Variants in OC90 observed in about 807,000 individuals in gnomAD.
OC90 encodes otoconin-90.
OC90 carries 46 observed loss-of-function variants against 47.3 expected under a neutral mutation model. The ratio of observed to expected loss-of-function variants is 0.97; its 90% CI spans 0.77 to 1.24. The LOEUF is 1.24. Ranked by LOEUF, OC90 falls within the 50% of genes most tolerant of loss-of-function variation. The pLI is 0.00. For synonymous variants in OC90, 271 were observed against 219.5 expected (o/e 1.23, Z -2.07); for missense variants, 688 against 583.9 (o/e 1.18, Z -1.84).
At chr8:132,058,570 T>G (rs77225842) in intron 1 of OC90, among the ~76,000 whole-genome samples, 2,889 of 152,322 alleles carry the variant, frequency 0.019, 90 homozygotes, top group African/African-American at 0.062. Flanking sequence ...CTCTGCCTTT[T>G]GCTTGTCGAG....
chr8:132,035,041 G>A (rs1271564211), intron 9 of OC90, among the ~76,000 whole-genome samples: 1 of 152,220 alleles, frequency 6.6e-6, no homozygotes, highest in Non-Finnish European at 1.5e-5. Context: ...AAAAACGCTT[G>A]CTGGCAAATG....
intron 9 of OC90, among the ~76,000 whole-genome samples, chr8:132,035,801 T>C (rs1297236797): frequency 6.6e-6 from 1 of 152,194 alleles, no homozygotes; most frequent in Non-Finnish European, 1.5e-5. Context: ...TTCTCAGAGC[T>C]TCTTGTTTGT....
chr8:132,057,836 A>C (rs1823295888), intron 1 of OC90, among the ~76,000 whole-genome samples: 1 of 152,188 alleles, frequency 6.6e-6, no homozygotes, highest in Non-Finnish European at 1.5e-5. Flanking sequence ...CTAGACCAGG[A>C]AACTGGGCTC....
At chr8:132,056,127 A>C (rs1027996076) in intron 1 of OC90, among the ~76,000 whole-genome samples, 2 of 152,194 alleles carry the variant, frequency 1.3e-5, no homozygotes, top group African/African-American at 2.4e-5. Flanking sequence ...TGTGCACTGC[A>C]CAAAAGCGCT....
At chr8:132,037,823 G>T (rs1822992044) in intron 8 of OC90, among the ~76,000 whole-genome samples, 1 of 152,168 alleles carries the variant, frequency 6.6e-6, no homozygotes, top group Admixed American at 6.5e-5. Context: ...GGCAGGGGGT[G>T]TTGAGGATAA....
At chr8:132,032,785 G>A (rs1408151399) in intron 11 of OC90, among the ~76,000 whole-genome samples, 1 of 152,186 alleles carries the variant, frequency 6.6e-6, no homozygotes, top group Non-Finnish European at 1.5e-5. Context: ...GCCAGTAAAA[G>A]TGGTGGCAGC....
intron 2 of OC90, among the ~76,000 whole-genome samples, chr8:132,048,416 T>A (rs1199437423): frequency 0.01 from 1,533 of 149,796 alleles, 67 homozygotes; most frequent in African/African-American, 0.037. Flanking sequence ...ATGGTTGGAG[T>A]ATGGAGACTA....
rs780385689 is a variant in OC90, at chr8:132,031,931, G to T, written c.981C>A (p.Gly327=). 8.7e-6 allele frequency: 14 copies of T among 1,613,868 alleles called. 1 individual carries two copies. The Admixed American group carries it at 1.8e-4, about 21-fold the overall frequency. The change falls in exon 12 of 14, where the codon GGC becomes GGA. Residue 327 remains glycine, a synonymous_variant. Transcript: ENST00000254627. ...SRCPEEFESY[G]CYCGQEGRGE... is the part of the protein sequence containing the mutation. ...CTCTTCCTTCTTGTCCACAGTAACA[G>T]CCATAAGACTCAAATTCCTCCGGGC... is the stretch of plus-strand genomic sequence containing the variant.
At chr8:132,031,167 G>A (rs150187386) in intron 12 of OC90, among the ~76,000 whole-genome samples, 134 of 152,246 alleles carry the variant, frequency 8.8e-4, no homozygotes, top group African/African-American at 2.8e-3. Flanking sequence ...ATTATATTGG[G>A]TAGTACTTTT....
At chr8:132,030,745 C>G (rs1408173315) in intron 12 of OC90, among the ~76,000 whole-genome samples, 1 of 152,144 alleles carries the variant, frequency 6.6e-6, no homozygotes, top group East Asian at 1.9e-4. Context: ...GCTGACTGTG[C>G]AACAGAGCCT....
intron 4 of OC90, among the ~76,000 whole-genome samples, chr8:132,044,117 G>A (rs879581064): frequency 6.6e-6 from 1 of 152,190 alleles, no homozygotes; most frequent in Non-Finnish European, 1.5e-5. Context: ...TTCTAGCTGG[G>A]TGGTCTTGGG....
chr8:132,031,864 C>T lies in OC90; in HGVS notation c.1031+17G>A. On this transcript the variant is annotated intron_variant, in intron 12 of 13. Coordinates refer to ENST00000254627, the MANE Select transcript of OC90 (RefSeq NM_001080399.3). ...CAGCACTACTACACCAGAGCTGTCA[C>T]CGCTGGCTCTCCATACCTGTCTAGG... 3.1e-6 allele frequency: 5 copies of T among 1,611,038 alleles called. No individual in the cohort carries two copies. Among genetic ancestry groups the T allele is most frequent in the Non-Finnish European group, 4.2e-6 (5 of 1,177,970 alleles).
chr8:132,036,501 G>A (rs1464686481), intron 9 of OC90: 2 of 772,238 alleles, frequency 2.6e-6, no homozygotes, highest in Non-Finnish European at 4.8e-6. Flanking sequence ...TGGGGGCTGA[G>A]GATGTAAGAG....
intron 13 of OC90, among the ~76,000 whole-genome samples, chr8:132,025,663 A>G (rs2130848082): frequency 6.6e-6 from 1 of 152,352 alleles, no homozygotes; most frequent in East Asian, 1.9e-4. Flanking sequence ...ATCAGGCAGG[A>G]CACTCAAATC....
chr8:132,045,667 G>T, intron 3 of OC90, 151 bp downstream of exon 3: 1 of 578,686 alleles, frequency 1.7e-6, no homozygotes, highest in Admixed American at 3.1e-5. Context: ...GATTGTTGGG[G>T]AGATGCTTTT....
At chr8:132,039,500 A>G (rs979467819) in intron 6 of OC90, among the ~76,000 whole-genome samples, 3 of 152,120 alleles carry the variant, frequency 2.0e-5, no homozygotes, top group Non-Finnish European at 4.4e-5. Context: ...CTTATCCAGG[A>G]GTCAGAACAA....
intron 10 of OC90, among the ~76,000 whole-genome samples, chr8:132,033,384 A>G (rs1322083693): frequency 6.6e-6 from 1 of 152,204 alleles, no homozygotes; most frequent in Non-Finnish European, 1.5e-5. Context: ...AGCCTGTGCT[A>G]GACCACCTGG....
rs775171724 is a variant in OC90 at position 132,024,615 on chromosome 8, C to A, written c.1300G>T (p.Ala434Ser). ...ACEDSLHPVPAAPTLGSSSEE... is the reference protein window; with the variant it reads ...ACEDSLHPVPSAPTLGSSSEE... ...GAGCTGGAGCCCAGGGTGGGGGCTG[C>A]GGGCACAGGGTGCAGGCTGTCTTCA... The change falls in exon 14 of 14, where the codon GCA (alanine) becomes TCA (serine). Residue 434 changes from alanine to serine, a missense_variant. Physicochemically the swap from Ala to Ser is moderately conservative, Grantham distance 99 (BLOSUM62 1). Coordinates refer to ENST00000254627, the MANE Select transcript of OC90 (RefSeq NM_001080399.3). 2 of 1,613,398 alleles carry A rather than the reference C, an allele frequency of 1.2e-6. No homozygotes were observed. The highest frequency in any genetic ancestry group is 1.7e-5 in the Admixed American group (1 of 59,938).
rs374873248 is a variant in OC90 at position 132,024,760 on chromosome 8, C to G, written c.1155G>C (p.Leu385=). 7 of 1,613,012 alleles carry G rather than the reference C, an allele frequency of 4.3e-6. No homozygotes were observed. Among genetic ancestry groups the G allele is most frequent in the Middle Eastern group, 1.7e-4 (1 of 6,058 alleles). The change falls in exon 14 of 14, where the codon CTG becomes CTC. Residue 385 remains leucine (L), a synonymous_variant. Coordinates refer to ENST00000254627, the MANE Select transcript of OC90 (RefSeq NM_001080399.3). The stretch of plus-strand genomic sequence containing the variant: ...CACAGGCACAGAGCAACTTCTCACA[C>G]AGGCTTTGGCCCCCACCTTAGAAGG... The part of the protein sequence containing the change: ...DHTPKCGGQS[L]CEKLLCACDQ...
Sources: gnomAD v4.1 joint callset for allele counts (sites outside exome capture counted in the v4.1 genomes callset) on GRCh38, gnomAD v4.1.1 for gene constraint, MANE v1.5 for transcripts, NCBI Gene and HGNC (gene_info 2026-07-23, HGNC 2026-07-21) for gene names.